The following OSBPL6 variants were observed in gnomAD, a reference collection of about 807,000 sequenced individuals.
The protein encoded by OSBPL6 is oxysterol-binding protein-related protein 6.
OSBPL6 carries 49 observed loss-of-function variants against 125.8 expected under a neutral mutation model. That is an observed-to-expected ratio of 0.39 (90% CI 0.31 to 0.49). The LOEUF (loss-of-function observed/expected upper bound fraction) is 0.49, where lower values mean the gene tolerates loss of function less well. Among genes scored for constraint, OSBPL6 ranks in the 20% least tolerant of loss-of-function variants. OSBPL6 has a pLI of 0.88. For synonymous variants in OSBPL6, 394 were observed against 391.8 expected, an observed-to-expected ratio of 1.01 and a Z score of -0.07; for missense variants, 986 against 1,135.4, an observed-to-expected ratio of 0.87 and a Z score of 1.89.
intron 15 of OSBPL6, among the ~76,000 whole-genome samples, chr2:178,376,456 A>C (rs1439729604): frequency 6.6e-6 from 1 of 152,000 alleles, no homozygotes; most frequent in Non-Finnish European, 1.5e-5. Flanking sequence ...CTGCAGCTTC[A>C]GTGCCACTGC....
chr2:178,214,185 C>G (rs981643200), intron 1 of OSBPL6, among the ~76,000 whole-genome samples: 2 of 152,028 alleles, frequency 1.3e-5, no homozygotes, highest in Non-Finnish European at 2.9e-5. Context: ...GGACAGAAGC[C>G]GTGGCATATG....
At chr2:178,309,621 A>G (rs1687087719) in intron 3 of OSBPL6, among the ~76,000 whole-genome samples, 1 of 152,218 alleles carries the variant, frequency 6.6e-6, no homozygotes, top group African/African-American at 2.4e-5. Flanking sequence ...TTCTTCACCA[A>G]TGATAGCATC....
intron 21 of OSBPL6, among the ~76,000 whole-genome samples, chr2:178,390,364 C>T (rs1695299294): frequency 6.6e-6 from 1 of 152,216 alleles, no homozygotes; most frequent in Non-Finnish European, 1.5e-5. Flanking sequence ...CTCATACACA[C>T]ATATACAGGC....
At chr2:178,347,951 T>C (rs1690881024) in intron 11 of OSBPL6, among the ~76,000 whole-genome samples, 1 of 152,200 alleles carries the variant, frequency 6.6e-6, no homozygotes, top group South Asian at 2.1e-4. Context: ...GGATATCTTT[T>C]AAGAGAAATA....
chr2:178,277,354 A>C (rs2092490655), intron 1 of OSBPL6, among the ~76,000 whole-genome samples: 1 of 152,204 alleles, frequency 6.6e-6, no homozygotes, highest in African/African-American at 2.4e-5. Flanking sequence ...AGTCATCTGA[A>C]TTTTTGTCAG....
Position 178,402,796 on chromosome 2 carries a change from C to T in OSBPL6, c.*7237C>T, listed in dbSNP as rs1164799205. On this transcript the variant is annotated 3_prime_UTR_variant, in exon 25 of 25. Transcript: ENST00000190611. Reference sequence around the variant, plus strand: ...TGAAAAATTTGTCTAATCTGTGCCACCTCAAAATAAGAATTGTGCCTCTTC... The same window carrying T: ...TGAAAAATTTGTCTAATCTGTGCCATCTCAAAATAAGAATTGTGCCTCTTC... 1 of 152,114 alleles carries T rather than the reference C, an allele frequency of 6.6e-6. No individual in the cohort carries two copies. Among genetic ancestry groups the T allele is most frequent in the South Asian group, 2.1e-4 (1 of 4,832 alleles). The allele number at this position is 152,114 out of a possible 1,614,324, so 9.4% of individuals were successfully genotyped here. A position where few individuals can be genotyped will look rare whatever the true frequency, so the allele number is the denominator to read the frequency against.
chr2:178,216,917 T>G (rs1457490158), intron 1 of OSBPL6, among the ~76,000 whole-genome samples: 1 of 152,090 alleles, frequency 6.6e-6, no homozygotes, highest in African/African-American at 2.4e-5. Flanking sequence ...TACTCCACAC[T>G]GAAGAAGAGA....
At chr2:178,318,186 G>A (rs1687933358) in intron 3 of OSBPL6, among the ~76,000 whole-genome samples, 1 of 152,140 alleles carries the variant, frequency 6.6e-6, no homozygotes, top group Non-Finnish European at 1.5e-5. Flanking sequence ...TGCTATCAAT[G>A]GACCACTTGA....
At chr2:178,233,390 C>T (rs968646895) in intron 1 of OSBPL6, among the ~76,000 whole-genome samples, 4 of 152,168 alleles carry the variant, frequency 2.6e-5, no homozygotes, top group Non-Finnish European at 5.9e-5. Context: ...TTTACTTGGC[C>T]TTATTTTATT....
chr2:178,277,872 C>A (rs1382448318), intron 1 of OSBPL6, among the ~76,000 whole-genome samples: 1 of 152,148 alleles, frequency 6.6e-6, no homozygotes, highest in African/African-American at 2.4e-5. Context: ...CGGCTAGATC[C>A]CCCTCCATGA....
At chr2:178,344,458 G>A in intron 11 of OSBPL6, 1 of 1,172,748 alleles carries the variant, frequency 8.5e-7, no homozygotes, top group South Asian at 1.3e-5. Context: ...GTGTGTGATG[G>A]CATCACCTGT....
chr2:178,312,220 G>A (rs954500807), intron 3 of OSBPL6, among the ~76,000 whole-genome samples: 5 of 147,424 alleles, frequency 3.4e-5, no homozygotes, highest in Non-Finnish European at 7.4e-5. Flanking sequence ...GGAGTGTAAT[G>A]GCACAATCTC....
intron 1 of OSBPL6, among the ~76,000 whole-genome samples, chr2:178,255,922 C>T (rs916025300): frequency 6.6e-6 from 1 of 152,168 alleles, no homozygotes; most frequent in African/African-American, 2.4e-5. Context: ...CATTGGAATC[C>T]ATTCAAACTT....
At chr2:178,249,599 T>C (rs1019346419) in intron 1 of OSBPL6, among the ~76,000 whole-genome samples, 1 of 152,232 alleles carries the variant, frequency 6.6e-6, no homozygotes, top group Non-Finnish European at 1.5e-5. Flanking sequence ...TTCTGTCTAT[T>C]TGCTTTGCTT....
At chr2:178,206,602 TTTTTG>T (rs773416029) in intron 1 of OSBPL6, among the ~76,000 whole-genome samples, 16 of 152,018 alleles carry the variant, frequency 1.1e-4, no homozygotes, top group African/African-American at 2.2e-4. Flanking sequence ...ACAGGAGGTT[TTTTTG>T]TTTTGTTTTG....
chr2:178,211,343 C>A (rs1369947638), intron 1 of OSBPL6, among the ~76,000 whole-genome samples: 3 of 152,174 alleles, frequency 2.0e-5, no homozygotes, highest in Non-Finnish European at 4.4e-5. Flanking sequence ...AATCCTAAAA[C>A]CCCTGTATGC....
intron 2 of OSBPL6, among the ~76,000 whole-genome samples, chr2:178,301,065 A>G (rs1686231345): frequency 6.6e-6 from 1 of 152,062 alleles, no homozygotes; most frequent in Non-Finnish European, 1.5e-5. Flanking sequence ...CTAAAATTAG[A>G]TTTTTTGAAC....
At chr2:178,352,735 T>C (rs948988843) in intron 12 of OSBPL6, among the ~76,000 whole-genome samples, 1 of 152,194 alleles carries the variant, frequency 6.6e-6, no homozygotes, top group Non-Finnish European at 1.5e-5. Flanking sequence ...AAGAGAGCAG[T>C]GGTTCTCCCA....
chr2:178,309,997 G>C (rs553261508), intron 3 of OSBPL6, among the ~76,000 whole-genome samples: 1 of 152,216 alleles, frequency 6.6e-6, no homozygotes, highest in East Asian at 1.9e-4. Context: ...TAAGGACACC[G>C]ATAAGTCCCG....
Sources: allele counts gnomAD v4.1 joint callset (sites outside exome capture counted in the v4.1 genomes callset), GRCh38; gene constraint gnomAD v4.1.1; transcripts MANE v1.5; gene names NCBI Gene and HGNC (gene_info 2026-07-23, HGNC 2026-07-21).